The following OCA2 variants were observed in gnomAD, a reference collection of about 807,000 sequenced individuals.
OCA2 encodes P protein.
Under a neutral mutation model 100.2 loss-of-function variants are expected in OCA2, and 77 were observed. That is an observed-to-expected ratio of 0.77 (90% CI 0.64 to 0.93). The LOEUF is 0.93. Among genes scored for constraint, OCA2 ranks in the 40% least tolerant of loss-of-function variants. OCA2 has a pLI of 0.00. For missense variants in OCA2, 1,062 were observed against 1,089.1 expected, an observed-to-expected ratio of 0.98 and a Z score of 0.35; for synonymous variants, 432 against 439.2, an observed-to-expected ratio of 0.98 and a Z score of 0.21.
intron 1 of OCA2, among the ~76,000 whole-genome samples, chr15:28,084,057 G>A (rs932629291): frequency 2.6e-5 from 4 of 152,184 alleles, no homozygotes; most frequent in Admixed American, 2.6e-4. Flanking sequence ...ACTGGGATTT[G>A]GAGAGGCCCT....
chr15:27,895,301 T>C (rs994095118), intron 19 of OCA2, among the ~76,000 whole-genome samples: 1 of 152,140 alleles, frequency 6.6e-6, no homozygotes, highest in Non-Finnish European at 1.5e-5. Flanking sequence ...ACCAGCAGAA[T>C]GGGGCATTGC....
intron 18 of OCA2, among the ~76,000 whole-genome samples, chr15:27,947,310 C>T (rs956780093): frequency 6.6e-6 from 1 of 152,366 alleles, no homozygotes. Context: ...CACTGCAGAC[C>T]TCTGCAGAGC....
At chr15:28,073,189 G>A (rs571454351) in intron 2 of OCA2, among the ~76,000 whole-genome samples, 9 of 152,144 alleles carry the variant, frequency 5.9e-5, no homozygotes, top group Admixed American at 1.3e-4. Context: ...GGAGGTGGGC[G>A]GATCACCTGA....
At chr15:27,719,991 T>C in the OCA2 span, among the ~76,000 whole-genome samples, 1 of 152,202 alleles carries the variant, frequency 6.6e-6, no homozygotes, top group South Asian at 2.1e-4. Flanking sequence ...CTGGTATAGA[T>C]TTCCCACCCT....
rs121918167 is a variant in OCA2, at chr15:27,871,170, G to A, written c.2228C>T (p.Pro743Leu). The change falls in exon 21 of 24, where the codon CCG (proline) becomes CTG (leucine). Residue 743 changes from proline (P) to leucine (L), a missense_variant. Transcript: ENST00000354638. ...GCAACTCACCATGGTAGCAGTGAAC[G>A]GGATGTTGTCAATCAGGGACGACGC... ...ALASSLIDNIPFTATMIPVLL... is the reference protein window; with the variant it reads ...ALASSLIDNILFTATMIPVLL... 287 of 1,613,590 alleles carry A rather than the reference G, an allele frequency of 1.8e-4. No individual in the cohort carries two copies. Among genetic ancestry groups the A allele is most frequent in the African/African-American group, 6.3e-4 (47 of 74,902 alleles).
At chr15:27,722,656 C>T in the OCA2 span, among the ~76,000 whole-genome samples, 1,189 of 74,336 alleles carry the variant, frequency 0.016, 16 homozygotes, top group African/African-American at 0.058. Context: ...CTTCTTTTCT[C>T]TCTTTCTTTC....
At chr15:27,955,526 C>T (rs913304261) in intron 16 of OCA2, among the ~76,000 whole-genome samples, 4 of 152,190 alleles carry the variant, frequency 2.6e-5, no homozygotes, top group Admixed American at 1.3e-4. Flanking sequence ...GGGCAGCGAC[C>T]GTCAGTCTCT....
chr15:27,857,161 G>C (rs980302628), intron 21 of OCA2, among the ~76,000 whole-genome samples: 2 of 152,170 alleles, frequency 1.3e-5, no homozygotes, highest in African/African-American at 4.8e-5. Context: ...ATGATGTACA[G>C]ACAGAATTTA....
intron 19 of OCA2, among the ~76,000 whole-genome samples, chr15:27,880,413 G>A (rs1261648777): frequency 1.3e-5 from 2 of 152,124 alleles, no homozygotes; most frequent in African/African-American, 4.8e-5. Context: ...AGTTTAATGG[G>A]AATAGCATTG....
At chr15:27,965,221 TCA>T (rs1381282439) in intron 15 of OCA2, among the ~76,000 whole-genome samples, 1 of 152,152 alleles carries the variant, frequency 6.6e-6, no homozygotes, top group African/African-American at 2.4e-5. Context: ...TCCACCACGA[TCA>T]CAGTCTCCTT....
chr15:28,035,201 G>C (rs2043014213), intron 2 of OCA2, among the ~76,000 whole-genome samples: 1 of 152,116 alleles, frequency 6.6e-6, no homozygotes, highest in Admixed American at 6.5e-5. Context: ...TATGCACTTT[G>C]TGTATACAAA....
intron 17 of OCA2, 139 bp from the exon 18 acceptor site, chr15:27,952,031 A>G (rs2040048436): frequency 1.4e-6 from 1 of 723,356 alleles, no homozygotes; most frequent in Non-Finnish European, 2.5e-6. Context: ...AGAAAATGGC[A>G]AAGTACTGTG....
At chr15:27,956,403 T>C (rs2040224473) in intron 16 of OCA2, among the ~76,000 whole-genome samples, 1 of 152,108 alleles carries the variant, frequency 6.6e-6, no homozygotes, top group Non-Finnish European at 1.5e-5. Flanking sequence ...CTCATGGTAA[T>C]CTGCTTCTCA....
At chr15:27,897,428 G>A (rs997480856) in intron 19 of OCA2, among the ~76,000 whole-genome samples, 1 of 152,148 alleles carries the variant, frequency 6.6e-6, no homozygotes, top group Non-Finnish European at 1.5e-5. Flanking sequence ...AACCAGTCCA[G>A]CCATGGCTAA....
intron 23 of OCA2, among the ~76,000 whole-genome samples, chr15:27,767,204 T>C (rs1175144805): frequency 2.6e-5 from 4 of 152,150 alleles, no homozygotes; most frequent in Admixed American, 2.0e-4. Flanking sequence ...CCAAATGAGC[T>C]CAACTAACAA....
chr15:27,940,356 G>A (rs1182193179), intron 18 of OCA2, among the ~76,000 whole-genome samples: 2 of 152,190 alleles, frequency 1.3e-5, no homozygotes, highest in Middle Eastern at 3.2e-3. Flanking sequence ...CTGTAGTTAG[G>A]TGAAGCCACA....
chr15:27,869,939 T>C (rs2036477758), intron 21 of OCA2, among the ~76,000 whole-genome samples: 1 of 152,068 alleles, frequency 6.6e-6, no homozygotes. Flanking sequence ...AATTTGGAAC[T>C]TCACCAAAAA....
At chr15:27,721,328 A>C in the OCA2 span, among the ~76,000 whole-genome samples, 1 of 152,156 alleles carries the variant, frequency 6.6e-6, no homozygotes, top group South Asian at 2.1e-4. Flanking sequence ...TGATTGTGTC[A>C]CTGCATTTCA....
the OCA2 span, among the ~76,000 whole-genome samples, chr15:27,724,855 G>A: frequency 5.3e-5 from 8 of 150,544 alleles, no homozygotes; most frequent in East Asian, 2.0e-4. Flanking sequence ...GAAAACTGCC[G>A]CTTGGATAAA....
Sources: allele counts gnomAD v4.1 joint callset (sites outside exome capture counted in the v4.1 genomes callset), GRCh38; gene constraint gnomAD v4.1.1; transcripts MANE v1.5; gene names NCBI Gene and HGNC (gene_info 2026-07-23, HGNC 2026-07-21).